MZF1: variants seen among roughly 807,000 people sequenced by gnomAD.
MZF1 encodes the protein myeloid zinc finger 1.
A neutral mutation model predicts 28.6 loss-of-function variants in MZF1; 24 were observed. The observed-to-expected ratio is 0.84, with a 90% CI of 0.61 to 1.18. The LOEUF (loss-of-function observed/expected upper bound fraction) is 1.18, where lower values mean the gene tolerates loss of function less well. MZF1 is among the 50% of genes most tolerant of loss of function. The pLI is 0.00. For synonymous variants in MZF1, 516 were observed against 432.5 expected, an observed-to-expected ratio of 1.19 and a Z score of -2.40; for missense variants, 1,166 against 1,026.4, an observed-to-expected ratio of 1.14 and a Z score of -1.86.
In MZF1 at chr19:58,564,922, T is replaced by TG. The variant is rs1568680480; in HGVS notation, c.773-1419_773-1418insC. On this transcript the variant is annotated intron_variant, in intron 5 of 5. Transcript: ENST00000215057. ...TGTGTGTTTTTTTTTTTTTTTTTTT[T>TG]TTTTTTTTTTTTTTTTGAGACTGAG... Among the ~76,000 whole-genome samples, 65 of 119,190 alleles carry TG rather than the reference T, an allele frequency of 5.5e-4. 3 individuals carry two copies. The highest frequency in any genetic ancestry group is 7.4e-4 in the Non-Finnish European group (43 of 58,186). The allele number at this position is 119,190 out of a possible 152,430, so 78.2% of individuals were successfully genotyped here. A position where few individuals can be genotyped will look rare whatever the true frequency, so the allele number is the denominator to read the frequency against.
At position 58,562,048 on chromosome 19, in the gene MZF1, G is replaced by T; in HGVS notation, c.*24C>A. ...GGGAGGTAGGTGTTCTGACCATGGCGGACACAGTGCGTCCCGGCTGGAGCT... is the reference window on the plus strand; with the variant it reads ...GGGAGGTAGGTGTTCTGACCATGGCTGACACAGTGCGTCCCGGCTGGAGCT... On this transcript the variant is annotated 3_prime_UTR_variant, in exon 6 of 6. Coordinates refer to ENST00000215057, the MANE Select transcript of MZF1 (RefSeq NM_198055.2). The T allele has an allele frequency of 6.5e-7, 1 of 1,544,362 alleles. No homozygotes were observed.
chr19:58,568,211 C>G (rs984622846), intron 5 of MZF1: 2 of 152,110 alleles, frequency 1.3e-5, no homozygotes, highest in African/African-American at 2.4e-5. Context: ...CACCACTGTG[C>G]TCTAGTCTGT....
intron 5 of MZF1, among the ~76,000 whole-genome samples, chr19:58,566,934 C>T (rs1175763952): frequency 1.3e-5 from 2 of 149,688 alleles, no homozygotes; most frequent in Non-Finnish European, 3.0e-5. Flanking sequence ...CTGGGTCTCA[C>T]CCCCATTGCC....
chr19:58,562,265 T>G lies in MZF1; in HGVS notation c.2012A>C (p.His671Pro), dbSNP rs745697638. 2 of 1,604,932 alleles carry G rather than the reference T, an allele frequency of 1.2e-6. No homozygotes were observed. The highest frequency in any genetic ancestry group is 1.7e-6 in the Non-Finnish European group (2 of 1,177,044). ...SFRQHANLTQ[H>P]RRIHTGERPY... is the part of the protein sequence containing the mutation. ...CCGTTCACCCGTGTGGATGCGCCGGTGCTGGGTGAGGTTGGCGTGCTGCCG... is the reference window on the plus strand; with the variant it reads ...CCGTTCACCCGTGTGGATGCGCCGGGGCTGGGTGAGGTTGGCGTGCTGCCG... The change falls in exon 6 of 6, where the codon CAC becomes CCC. Residue 671 changes from histidine (H) to proline (P), a missense_variant. His to Pro is a moderately conservative substitution (Grantham distance 77). Transcript: ENST00000215057.
At chr19:58,570,191 G>A in intron 3 of MZF1, 153 bp downstream of exon 3, 2 of 785,134 alleles carry the variant, frequency 2.5e-6, no homozygotes, top group Non-Finnish European at 4.0e-6. Context: ...GTGGAGGGGA[G>A]ACCTGACTGG....
At position 58,570,997 on chromosome 19, in the gene MZF1, T is replaced by C; in HGVS notation, c.393A>G (p.Arg131=). The C allele has an allele frequency of 1.2e-6, 2 of 1,603,776 alleles. No individual in the cohort carries two copies. The highest frequency in any genetic ancestry group is 1.7e-6 in the Non-Finnish European group (2 of 1,174,190). The part of the protein sequence containing the change: ...GLRREPGGPR[R]WVTVQVQGQE... ...CCACTCGTGGACACTCACTCACCCA[T>C]CTCCGGGGTCCGCCCGGCTCCCGGC... The change falls in exon 2 of 6, where the codon AGA becomes AGG. Residue 131 remains arginine (R), a synonymous_variant. Coordinates refer to ENST00000215057, the MANE Select transcript of MZF1 (RefSeq NM_198055.2).
At position 58,562,599 on chromosome 19, in the gene MZF1, G is replaced by T; in HGVS notation, c.1678C>A (p.Arg560=). The T allele has an allele frequency of 6.3e-7, 1 of 1,583,596 alleles. No individual in the cohort carries two copies. Among genetic ancestry groups the T allele is most frequent in the Non-Finnish European group, 8.6e-7 (1 of 1,168,646 alleles). The change falls in exon 6 of 6, where the codon CGG becomes AGG. Residue 560 remains arginine (R), a synonymous_variant. Transcript: ENST00000215057. ...FRQRSNLTQH[R]RIHTGERPFA... is the part of the protein sequence containing the mutation. ...GGCCGCTCCCCGGTGTGGATGCGCC[G>T]GTGCTGCGTCAGGTTGGAGCGCTGC...
intron 2 of MZF1, 36 bp from the exon 3 acceptor site, chr19:58,570,563 G>C (rs1325857486): frequency 1.3e-6 from 2 of 1,596,602 alleles, no homozygotes; most frequent in East Asian, 2.2e-5. Flanking sequence ...AGTCCTACCA[G>C]AGAGTAAGGC....
chr19:58,562,835 G>A lies in MZF1; in HGVS notation c.1442C>T (p.Pro481Leu), dbSNP rs1327046479. 3 of 1,536,518 alleles carry A rather than the reference G, an allele frequency of 2.0e-6. No individual in the cohort carries two copies. In the South Asian group the frequency reaches 3.5e-5, roughly 18 times the overall value. The part of the protein sequence containing the change: ...KPPAPPGAPE[P>L]PGPFPCSECR... ...CTCGCTGCACGGAAAGGGGCCGGGAGGCTCGGGCGCACCAGGAGGGGCCGG... is the reference window on the plus strand; with the variant it reads ...CTCGCTGCACGGAAAGGGGCCGGGAAGCTCGGGCGCACCAGGAGGGGCCGG... Residue 481 changes from proline to leucine, a missense_variant, in exon 6 of 6, where the codon CCT becomes CTT. Coordinates refer to ENST00000215057, the MANE Select transcript of MZF1 (RefSeq NM_198055.2).
chr19:58,565,194 A>C (rs2054024273), intron 5 of MZF1, among the ~76,000 whole-genome samples: 1 of 151,250 alleles, frequency 6.6e-6, no homozygotes, highest in Non-Finnish European at 1.5e-5. Flanking sequence ...TCCTGGGTTC[A>C]AGCGGTTCTT....
In MZF1 at chr19:58,573,321, A is replaced by C. The variant is rs1471037798; in HGVS notation, c.-307T>G. On this transcript the variant is annotated 5_prime_UTR_variant, in exon 1 of 6. Transcript: ENST00000215057. ...TGCGCAAGCCTCTCAGGTACAACAG[A>C]CGGCAGCACCGCCTACCAGATCGCG... 1 of 152,428 alleles carries C rather than the reference A, an allele frequency of 6.6e-6. No homozygotes were observed. Among genetic ancestry groups the C allele is most frequent in the African/African-American group, 2.4e-5 (1 of 41,350 alleles). The allele number at this position is 152,428 out of a possible 1,614,324, so 9.4% of individuals were successfully genotyped here. A position where few individuals can be genotyped will look rare whatever the true frequency, so the allele number is the denominator to read the frequency against.
At position 58,562,011 on chromosome 19, in the gene MZF1, C is replaced by T. The variant is rs1358247709; in HGVS notation, c.*61G>A. On this transcript the variant is annotated 3_prime_UTR_variant, in exon 6 of 6. Transcript: ENST00000215057. ...CTTATACTTATGTAATCGCCAGCCT[C>T]ACAATAACCAGGGGAGGTAGGTGTT... 6.7e-7 allele frequency: 1 copy of T among 1,495,126 alleles called. No homozygotes were observed. The highest frequency in any genetic ancestry group is 9.0e-7 in the Non-Finnish European group (1 of 1,112,786). The allele number at this position is 1,495,126 out of a possible 1,614,324, so 92.6% of individuals were successfully genotyped here.
intron 2 of MZF1, 69 bp downstream of exon 2, chr19:58,570,925 T>A: frequency 4.7e-6 from 7 of 1,492,014 alleles, no homozygotes; most frequent in Non-Finnish European, 6.3e-6. Flanking sequence ...CAAAGCGTGG[T>A]GCTGCCCAGG....
intron 5 of MZF1, chr19:58,564,257 A>G (rs2053996219): frequency 6.6e-6 from 1 of 152,228 alleles, no homozygotes; most frequent in Non-Finnish European, 1.5e-5. Flanking sequence ...CGCCAAAGAA[A>G]AGTCAGATAA....
At chr19:58,571,565 T>C (rs2054164616) in intron 1 of MZF1, 136 bp from the exon 2 acceptor site, 2 of 799,758 alleles carry the variant, frequency 2.5e-6, no homozygotes, top group Non-Finnish European at 3.9e-6. Context: ...AGAAAGGCCA[T>C]CTACAACCCA....
At chr19:58,565,759 C>G in intron 5 of MZF1, among the ~76,000 whole-genome samples, 1 of 145,178 alleles carries the variant, frequency 6.9e-6, no homozygotes, top group Non-Finnish European at 1.5e-5. Context: ...GTCTCGATCT[C>G]CTGACCTCGT....
In MZF1 at chr19:58,571,083, G is replaced by A. The variant is rs140640838; in HGVS notation, c.307C>T (p.Arg103Cys). The A allele has an allele frequency of 4.0e-4, 646 of 1,613,574 alleles. 2 individuals carry two copies. Among genetic ancestry groups the A allele is most frequent in the Non-Finnish European group, 5.1e-4 (604 of 1,179,958 alleles). Residue 103 changes from arginine (R) to cysteine (C), a missense_variant, in exon 2 of 6, where the codon CGT becomes TGT. Arg to Cys is a radical substitution (Grantham distance 180). Transcript: ENST00000215057. ...LGALPPEIQA[R>C]VQGQRPGSPE... is the part of the protein sequence containing the mutation. ...CTGCCTGGCCGCTGCCCCTGCACAC[G>A]GGCCTGGATCTCAGGGGGCAGTGCG...
rs1293755020 is a variant in MZF1 at position 58,562,459 on chromosome 19, G to A, written c.1818C>T (p.Phe606=). The change falls in exon 6 of 6, where the codon TTC becomes TTT. Residue 606 remains phenylalanine, a synonymous_variant. Coordinates refer to ENST00000215057, the MANE Select transcript of MZF1 (RefSeq NM_198055.2). The part of the protein sequence containing the change: ...PFACPECGQR[F]SQRLKLTRHQ... ...GACGCGTGAGCTTGAGGCGCTGGCT[G>A]AAGCGCTGGCCACACTCGGGGCAGG... 1 of 1,610,916 alleles carries A rather than the reference G, an allele frequency of 6.2e-7. No homozygotes were observed. The highest frequency in any genetic ancestry group is 1.3e-5 in the African/African-American group (1 of 74,670).
Position 58,562,219 on chromosome 19 carries a change from AC to A in MZF1, c.2057del (p.Cys686LeufsTer76). On this transcript the variant is annotated frameshift_variant, in exon 6 of 6. Coordinates refer to ENST00000215057, the MANE Select transcript of MZF1 (RefSeq NM_198055.2). LOFTEE classifies it low-confidence loss of function (END_TRUNC). The part of the protein sequence containing the change: ...TGERPYACPE[C>X]GKAFRQRPTL... Reference sequence around the variant, plus strand: ...TGGGCCGCTGGCGGAAGGCCTTGCCACACTCAGGGCATGCGTAGGGCCGTTC... The same window carrying A: ...TGGGCCGCTGGCGGAAGGCCTTGCCAACTCAGGGCATGCGTAGGGCCGTTC... 6.2e-7 allele frequency: 1 copy of A among 1,608,480 alleles called. No homozygotes were observed. Among genetic ancestry groups the A allele is most frequent in the Non-Finnish European group, 8.5e-7 (1 of 1,179,106 alleles).
Sources: gnomAD v4.1 joint callset for allele counts (sites outside exome capture counted in the v4.1 genomes callset) on GRCh38, gnomAD v4.1.1 for gene constraint, MANE v1.5 for transcripts, NCBI Gene and HGNC (gene_info 2026-07-23, HGNC 2026-07-21) for gene names.